Variants in COL3A1 observed in about 807,000 individuals in gnomAD.
COL3A1 encodes collagen alpha-1(III) chain.
COL3A1 carries 46 observed loss-of-function variants against 200.9 expected under a neutral mutation model. The ratio of observed to expected loss-of-function variants is 0.23; its 90% CI spans 0.18 to 0.29. The LOEUF (loss-of-function observed/expected upper bound fraction) is 0.29, where lower values mean the gene tolerates loss of function less well. Among genes scored for constraint, COL3A1 ranks in the 10% least tolerant of loss-of-function variants. The pLI is 1.00. For missense variants in COL3A1, 1,367 were observed against 1,917.6 expected (o/e 0.71, Z 5.36); for synonymous variants, 650 against 628.0 (o/e 1.03, Z -0.52).
intron 1 of COL3A1, among the ~76,000 whole-genome samples, chr2:188,983,655 C>T (rs1422135507): frequency 1.3e-5 from 2 of 151,878 alleles, no homozygotes; most frequent in Non-Finnish European, 2.9e-5. Context: ...CTTGCCTACT[C>T]GGTAGCAGGC....
intron 1 of COL3A1, among the ~76,000 whole-genome samples, chr2:188,975,737 C>T (rs777552241): frequency 6.6e-6 from 1 of 152,024 alleles, no homozygotes; most frequent in Non-Finnish European, 1.5e-5. Context: ...ATATTCAGCC[C>T]ATGGACACAA....
chr2:189,003,108 A>G (rs1175566631), intron 36 of COL3A1, 46 bp downstream of exon 36: 2 of 1,398,336 alleles, frequency 1.4e-6, no homozygotes, highest in Admixed American at 3.9e-5. Context: ...TCATCTATCT[A>G]TCTATTGATT....
At chr2:188,998,176 A>T (rs762443404) in intron 27 of COL3A1, 90 bp from the exon 28 acceptor site, 48 of 1,234,522 alleles carry the variant, frequency 3.9e-5, no homozygotes, top group Non-Finnish European at 5.4e-5. Context: ...ACTTTTTTTT[A>T]ATATCTTGCA....
In COL3A1 at chr2:188,985,086, G is replaced by A. The variant is rs184268283; in HGVS notation, c.283-111G>A. On this transcript the variant is annotated intron_variant, in intron 2 of 50. Coordinates refer to ENST00000304636, the MANE Select transcript of COL3A1 (RefSeq NM_000090.4). ...CATCAAATAGCCATGTTTGTATTAC[G>A]AGTAAAAAGTGACCGTTTCAATTTA... The A allele has an allele frequency of 3.6e-5, 51 of 1,410,458 alleles. No homozygotes were observed. The Admixed American group carries it at 5.7e-4, about 16-fold the overall frequency. The allele number at this position is 1,410,458 out of a possible 1,614,324, so 87.4% of individuals were successfully genotyped here.
chr2:188,992,997 A>G (rs926891597), intron 15 of COL3A1, 57 bp downstream of exon 15: 1 of 1,517,384 alleles, frequency 6.6e-7, no homozygotes, highest in African/African-American at 1.4e-5. Flanking sequence ...AGAGAAAAGC[A>G]TTAGATTGCT....
chr2:188,988,165 C>T (rs1461976094), intron 6 of COL3A1, 31 bp downstream of exon 6: 2 of 1,584,460 alleles, frequency 1.3e-6, no homozygotes, highest in Non-Finnish European at 1.7e-6. Flanking sequence ...TGTTTTCTTC[C>T]TCATTTTTAG....
chr2:189,007,003 A>AT lies in COL3A1; in HGVS notation c.3255+19dup, dbSNP rs1246347975. On this transcript the variant is annotated intron_variant, in intron 44 of 50. Coordinates refer to ENST00000304636, the MANE Select transcript of COL3A1 (RefSeq NM_000090.4). ...CCGAGGTGCTCCTGTAAGTTTTGTC[A>AT]TTTTTTGGTTTTATTTTGTTTTGTT... The AT allele has an allele frequency of 3.7e-6, 6 of 1,604,496 alleles. No individual in the cohort carries two copies. The highest frequency in any genetic ancestry group is 2.0e-4 in the Middle Eastern group (1 of 5,114).
intron 11 of COL3A1, 76 bp downstream of exon 11, chr2:188,991,133 G>T: frequency 2.0e-6 from 3 of 1,470,718 alleles, no homozygotes; most frequent in Non-Finnish European, 1.9e-6. Context: ...TTCATATTGT[G>T]AGCCTTAACT....
Position 188,999,338 on chromosome 2 carries a change from A to G in COL3A1, c.2076A>G (p.Pro692=). 3.1e-6 allele frequency: 5 copies of G among 1,593,050 alleles called. No individual in the cohort carries two copies. The highest frequency in any genetic ancestry group is 4.3e-6 in the Non-Finnish European group (5 of 1,169,556). ...ERGPPGLAGA[P]GLRGGAGPPG... ...GACCTCCTGGATTGGCAGGGGCCCC[A>G]GGACTTAGAGGTGGAGCTGGTCCCC... is the stretch of plus-strand genomic sequence containing the variant. Residue 692 remains proline (P), a synonymous_variant, in exon 30 of 51, where the codon CCA becomes CCG. Coordinates refer to ENST00000304636, the MANE Select transcript of COL3A1 (RefSeq NM_000090.4).
chr2:189,001,096 A>G (rs1038917047), intron 32 of COL3A1, among the ~76,000 whole-genome samples: 5 of 152,250 alleles, frequency 3.3e-5, no homozygotes, highest in Non-Finnish European at 7.3e-5. Context: ...TTAAAAAGAC[A>G]TTACTGTAAG....
At chr2:189,008,351 A>G (rs1334075807) in intron 47 of COL3A1, 2 of 590,824 alleles carry the variant, frequency 3.4e-6, no homozygotes, top group African/African-American at 1.9e-5. Context: ...TAAAAATTTG[A>G]TCAGGTATCC....
intron 36 of COL3A1, 54 bp downstream of exon 36, chr2:189,003,116 A>T (rs549435324): frequency 2.2e-6 from 3 of 1,372,916 alleles, no homozygotes; most frequent in Non-Finnish European, 3.0e-6. Context: ...CTATCTATTG[A>T]TTATCTGTCT....
Position 188,997,318 on chromosome 2 carries a change from A to C in COL3A1, c.1816-18A>C. On this transcript the variant is annotated intron_variant, in intron 25 of 50. Transcript: ENST00000304636. The stretch of plus-strand genomic sequence containing the variant: ...TAATCTGTATTATTTCTACTTCCCT[A>C]ACTGTTCTTGTTTTTAGGGTCCTCC... 1 of 1,613,444 alleles carries C rather than the reference A, an allele frequency of 6.2e-7. No individual in the cohort carries two copies. Among genetic ancestry groups the C allele is most frequent in the Non-Finnish European group, 8.5e-7 (1 of 1,179,620 alleles).
chr2:189,002,381 C>T (rs1403812840), intron 35 of COL3A1, 30 bp downstream of exon 35: 3 of 1,600,846 alleles, frequency 1.9e-6, no homozygotes, highest in African/African-American at 1.3e-5. Flanking sequence ...CATACATGTC[C>T]CATAGCCCAG....
At chr2:189,004,697 T>C (rs958186853) in intron 40 of COL3A1, among the ~76,000 whole-genome samples, 5 of 152,190 alleles carry the variant, frequency 3.3e-5, no homozygotes, top group African/African-American at 7.2e-5. Context: ...TGTTAGCTTA[T>C]AGATCTTGGA....
chr2:189,004,604 AT>A (rs770629178), intron 40 of COL3A1, among the ~76,000 whole-genome samples: 2 of 152,236 alleles, frequency 1.3e-5, no homozygotes, highest in Non-Finnish European at 2.9e-5. Context: ...GATGAAAACA[AT>A]ATTGCCATCT....
At position 188,985,739 on chromosome 2, in the gene COL3A1, C is replaced by G. The variant is rs762388691; in HGVS notation, c.408C>G (p.Gly136=). 2 of 1,611,274 alleles carry G rather than the reference C, an allele frequency of 1.2e-6. No homozygotes were observed. Among genetic ancestry groups the G allele is most frequent in the East Asian group, 4.5e-5 (2 of 44,774 alleles). ...PGQPGSPGSP[G]PPGICESCPT... The stretch of plus-strand genomic sequence containing the variant: ...AACCAGGGTCCCCTGGTTCTCCTGG[C>G]CCCCCTGGAATCTGTGAATCATGCC... The change falls in exon 4 of 51, where the codon GGC becomes GGG. Residue 136 remains glycine (G), a synonymous_variant. Transcript: ENST00000304636.
rs753517892 is a variant in COL3A1 at position 188,984,770 on chromosome 2, A to C, written c.90A>C (p.Gly30=). 6.2e-7 allele frequency: 1 copy of C among 1,613,008 alleles called. No homozygotes were observed. Among genetic ancestry groups the C allele is most frequent in the Non-Finnish European group, 8.5e-7 (1 of 1,179,228 alleles). The change falls in exon 2 of 51, where the codon GGA becomes GGC. Residue 30 remains glycine (G), a synonymous_variant. Transcript: ENST00000304636. ...IILAQQEAVE[G]GCSHLGQSYA... is the part of the protein sequence containing the mutation. The stretch of plus-strand genomic sequence containing the variant: ...TAACTTGTTTTTCAGCTGTTGAAGG[A>C]GGATGTTCCCATCTTGGTCAGTCCT...
chr2:188,991,078 T>C, intron 11 of COL3A1, 21 bp downstream of exon 11: 2 of 1,606,470 alleles, frequency 1.2e-6, no homozygotes, highest in Non-Finnish European at 8.5e-7. Context: ...ACAAAAATCA[T>C]ATTTTCATAA....
Sources: allele counts gnomAD v4.1 joint callset (sites outside exome capture counted in the v4.1 genomes callset), GRCh38; gene constraint gnomAD v4.1.1; transcripts MANE v1.5; gene names NCBI Gene and HGNC (gene_info 2026-07-23, HGNC 2026-07-21).